ODAD2: variants seen among roughly 807,000 people sequenced by gnomAD.
ODAD2 encodes the protein outer dynein arm docking complex subunit 2, also known as outer dynein arm-docking complex subunit 2.
A neutral mutation model predicts 106.8 loss-of-function variants in ODAD2; 89 were observed. The observed-to-expected ratio is 0.83, with a 90% CI of 0.70 to 0.99. The LOEUF (loss-of-function observed/expected upper bound fraction) is 0.99. ODAD2 is among the 50% of genes least tolerant of loss of function. The pLI, the probability that ODAD2 is intolerant of heterozygous loss-of-function variation, is 0.00. For missense variants in ODAD2, 1,168 were observed against 1,238.5 expected (o/e 0.94, Z 0.85); for synonymous variants, 404 against 436.2 (o/e 0.93, Z 0.92).
intron 19 of ODAD2, among the ~76,000 whole-genome samples, chr10:27,843,745 T>C (rs570578117): frequency 6.6e-6 from 1 of 152,056 alleles, no homozygotes; most frequent in South Asian, 2.1e-4. Context: ...CCTGCCTGGG[T>C]GACAGAGCAA....
At position 27,905,897 on chromosome 10, in the gene ODAD2, C is replaced by G. The variant is rs373551894; in HGVS notation, c.2610+1766G>C. The stretch of plus-strand genomic sequence containing the variant: ...TGGATTAAAGACTTAAATGTAAGAC[C>G]TAAAACCATAAAAACCCTGGAAGAA... On this transcript the variant is annotated intron_variant, in intron 17 of 19. Coordinates refer to ENST00000305242, the MANE Select transcript of ODAD2 (RefSeq NM_018076.5). Among the ~76,000 whole-genome samples, 45 of 152,200 alleles carry G rather than the reference C, an allele frequency of 3.0e-4. No individual in the cohort carries two copies. The East Asian group carries it at 7.5e-3, about 26-fold the overall frequency.
At chr10:27,831,778 G>A (rs1837496443) in intron 19 of ODAD2, among the ~76,000 whole-genome samples, 1 of 152,228 alleles carries the variant, frequency 6.6e-6, no homozygotes, top group South Asian at 2.1e-4. Flanking sequence ...CTCATACTCT[G>A]TAGTCCCAGC....
chr10:27,862,322 A>G, intron 18 of ODAD2, 112 bp downstream of exon 18: 1 of 708,216 alleles, frequency 1.4e-6, no homozygotes, highest in Non-Finnish European at 2.2e-6. Flanking sequence ...CTCATAAGCA[A>G]TGGGTATTAA....
At chr10:27,983,531 T>C (rs1347297388) in intron 6 of ODAD2, among the ~76,000 whole-genome samples, 2 of 152,252 alleles carry the variant, frequency 1.3e-5, no homozygotes, top group East Asian at 3.8e-4. Context: ...TGTTTCTTTT[T>C]TGACCTTTCT....
At position 27,950,459 on chromosome 10, in the gene ODAD2, C is replaced by G. The variant is rs139222209; in HGVS notation, c.1387-5497G>C. On this transcript the variant is annotated intron_variant, in intron 10 of 19. Coordinates refer to ENST00000305242, the MANE Select transcript of ODAD2 (RefSeq NM_018076.5). Reference sequence around the variant, plus strand: ...TGAGGAGAAAGAGAGAATACTGTTTCCCGAAGAAAAATATACATATATCCT... The same window carrying G: ...TGAGGAGAAAGAGAGAATACTGTTTGCCGAAGAAAAATATACATATATCCT... Among the ~76,000 whole-genome samples, 419 of 152,240 alleles carry G rather than the reference C, an allele frequency of 2.8e-3. 1 individual carries two copies. Among genetic ancestry groups the G allele is most frequent in the South Asian group, 0.012 (59 of 4,822 alleles).
At chr10:27,828,932 T>C (rs977196996) in intron 19 of ODAD2, among the ~76,000 whole-genome samples, 1 of 152,192 alleles carries the variant, frequency 6.6e-6, no homozygotes, top group Non-Finnish European at 1.5e-5. Flanking sequence ...AAGTTCCTAA[T>C]GTTATGTTTG....
chr10:27,867,140 G>C (rs1000221946), intron 17 of ODAD2, among the ~76,000 whole-genome samples: 1 of 151,992 alleles, frequency 6.6e-6, no homozygotes, highest in Non-Finnish European at 1.5e-5. Context: ...ACCCACAACT[G>C]ACCCCAAAGC....
chr10:27,834,787 T>A (rs7078534), intron 19 of ODAD2, among the ~76,000 whole-genome samples: 107,144 of 152,092 alleles, frequency 0.7, 37,861 homozygotes, highest in Middle Eastern at 0.75. Context: ...TGATTCTCTC[T>A]TTTAATTCTC....
intron 1 of ODAD2, among the ~76,000 whole-genome samples, chr10:27,998,715 G>C (rs1355349124): frequency 6.6e-6 from 1 of 152,154 alleles, no homozygotes; most frequent in Admixed American, 6.5e-5. Flanking sequence ...CAGCGGCGGG[G>C]CCAGAGAGCC....
intron 16 of ODAD2, among the ~76,000 whole-genome samples, chr10:27,913,265 G>C (rs950931009): frequency 6.6e-6 from 1 of 151,812 alleles, no homozygotes. Context: ...GTAGTTTTTC[G>C]ATCCTCACCC....
chr10:27,874,996 C>T (rs1276641973), intron 17 of ODAD2, among the ~76,000 whole-genome samples: 1 of 152,176 alleles, frequency 6.6e-6, no homozygotes, highest in Non-Finnish European at 1.5e-5. Context: ...GTACACCAAT[C>T]AGATGTAGAT....
At chr10:27,832,656 A>G (rs1427522746) in intron 19 of ODAD2, among the ~76,000 whole-genome samples, 1 of 152,176 alleles carries the variant, frequency 6.6e-6, no homozygotes, top group African/African-American at 2.4e-5. Flanking sequence ...AGCACATTTC[A>G]TGAATTACCA....
intron 17 of ODAD2, among the ~76,000 whole-genome samples, chr10:27,890,357 A>G (rs1049696940): frequency 6.6e-6 from 1 of 152,142 alleles, no homozygotes; most frequent in Admixed American, 6.5e-5. Flanking sequence ...GAATATAATG[A>G]CATAATTTAA....
At chr10:27,853,894 T>C (rs893921477) in intron 19 of ODAD2, among the ~76,000 whole-genome samples, 3 of 152,104 alleles carry the variant, frequency 2.0e-5, no homozygotes, top group Non-Finnish European at 4.4e-5. Context: ...AAAAAATAAA[T>C]TGGACTTCAC....
At chr10:27,930,037 C>T (rs1173161561) in intron 16 of ODAD2, among the ~76,000 whole-genome samples, 1 of 151,854 alleles carries the variant, frequency 6.6e-6, no homozygotes, top group African/African-American at 2.4e-5. Flanking sequence ...TCCTTGGGTT[C>T]CATATTTATA....
chr10:27,928,078 T>G (rs1260513969), intron 16 of ODAD2, among the ~76,000 whole-genome samples: 1 of 152,140 alleles, frequency 6.6e-6, no homozygotes, highest in Non-Finnish European at 1.5e-5. Context: ...TCATTTATTA[T>G]ACAATAAGCA....
At chr10:27,819,637 A>G (rs949473312) in intron 19 of ODAD2, among the ~76,000 whole-genome samples, 3 of 148,084 alleles carry the variant, frequency 2.0e-5, no homozygotes, top group East Asian at 4.0e-4. Context: ...GTGCGCCTGT[A>G]GTCTAGGTAG....
At chr10:27,960,859 G>A (rs117111360) in intron 10 of ODAD2, among the ~76,000 whole-genome samples, 4,928 of 152,136 alleles carry the variant, frequency 0.032, 185 homozygotes, top group East Asian at 0.18. Context: ...TCTGGACGTC[G>A]GCTTTACACA....
intron 17 of ODAD2, among the ~76,000 whole-genome samples, chr10:27,878,522 T>G (rs1050265858): frequency 3.9e-5 from 6 of 152,146 alleles, no homozygotes; most frequent in Non-Finnish European, 7.4e-5. Context: ...GAGCGTAACA[T>G]GACTCAAGAC....
Sources: allele counts gnomAD v4.1 joint callset (sites outside exome capture counted in the v4.1 genomes callset), GRCh38; gene constraint gnomAD v4.1.1; transcripts MANE v1.5; gene names NCBI Gene and HGNC (gene_info 2026-07-23, HGNC 2026-07-21).